The following WWTR1 variants were observed in gnomAD, a reference collection of about 807,000 sequenced individuals.
The protein encoded by WWTR1 is WW domain containing transcription regulator 1.
Under a neutral mutation model 40.1 loss-of-function variants are expected in WWTR1, and 13 were observed. The ratio of observed to expected loss-of-function variants is 0.32; its 90% CI spans 0.21 to 0.52. The LOEUF is 0.52. WWTR1 is among the 20% of genes least tolerant of loss of function. WWTR1 has a pLI of 0.97. For missense variants in WWTR1, 436 were observed against 523.1 expected (o/e 0.83, Z 1.63); for synonymous variants, 230 against 210.1 (o/e 1.09, Z -0.82).
chr3:149,540,316 T>C (rs1736035239), intron 4 of WWTR1: 1 of 455,872 alleles, frequency 2.2e-6, no homozygotes, highest in Non-Finnish European at 4.4e-6. Context: ...TACTACATCC[T>C]GGTTCAAAGG....
chr3:149,533,214 T>C (rs1367791356), intron 4 of WWTR1, among the ~76,000 whole-genome samples: 2 of 152,194 alleles, frequency 1.3e-5, no homozygotes, highest in African/African-American at 4.8e-5. Context: ...CAGGTCATCA[T>C]TGCTTCTCTA....
intron 2 of WWTR1, among the ~76,000 whole-genome samples, chr3:149,582,570 A>C (rs1017697799): frequency 5.3e-5 from 8 of 151,882 alleles, no homozygotes; most frequent in African/African-American, 1.9e-4. Flanking sequence ...TAAAAAAAAA[A>C]AAATCAAAAT....
At chr3:149,524,914 T>C (rs1352580985) in intron 6 of WWTR1, among the ~76,000 whole-genome samples, 1 of 152,236 alleles carries the variant, frequency 6.6e-6, no homozygotes, top group African/African-American at 2.4e-5. Context: ...TAACTCCAAA[T>C]AGTGGACACC....
intron 2 of WWTR1, among the ~76,000 whole-genome samples, chr3:149,610,711 C>T (rs1220877400): frequency 4.6e-5 from 7 of 152,236 alleles, no homozygotes; most frequent in Admixed American, 1.3e-4. Flanking sequence ...AGAAGGACAG[C>T]AGGGTTGCCA....
At chr3:149,633,248 G>T (rs1424563111) in intron 2 of WWTR1, among the ~76,000 whole-genome samples, 1 of 152,136 alleles carries the variant, frequency 6.6e-6, no homozygotes, top group Non-Finnish European at 1.5e-5. Flanking sequence ...AGCCAGCCAG[G>T]CATGGTGACG....
chr3:149,525,959 A>G, intron 6 of WWTR1, 54 bp downstream of exon 6: 1 of 989,750 alleles, frequency 1.0e-6, no homozygotes, highest in Non-Finnish European at 1.5e-6. Context: ...ATAACCGAAG[A>G]GATCATTTAA....
At chr3:149,643,733 C>G (rs945506497) in intron 2 of WWTR1, among the ~76,000 whole-genome samples, 1 of 152,124 alleles carries the variant, frequency 6.6e-6, no homozygotes, top group African/African-American at 2.4e-5. Context: ...CCTGTTATGA[C>G]CTATCCTGGG....
chr3:149,693,899 T>C (rs1383858904), intron 1 of WWTR1, among the ~76,000 whole-genome samples: 2 of 152,114 alleles, frequency 1.3e-5, no homozygotes, highest in South Asian at 2.1e-4. Context: ...GACTTAAATA[T>C]AAGACCTGAA....
intron 3 of WWTR1, among the ~76,000 whole-genome samples, chr3:149,557,684 C>G (rs937488300): frequency 2.0e-5 from 3 of 151,750 alleles, no homozygotes; most frequent in African/African-American, 4.9e-5. Flanking sequence ...CAACTTAATT[C>G]AATTATTTAT....
At chr3:149,588,283 CAGTA>C (rs1738524466) in intron 2 of WWTR1, among the ~76,000 whole-genome samples, 1 of 152,198 alleles carries the variant, frequency 6.6e-6, no homozygotes. Flanking sequence ...GGAAGCCACT[CAGTA>C]AGAACAACTA....
At chr3:149,603,231 T>C (rs1426114743) in intron 2 of WWTR1, among the ~76,000 whole-genome samples, 1 of 151,866 alleles carries the variant, frequency 6.6e-6, no homozygotes, top group East Asian at 1.9e-4. Context: ...CAAGAAATGA[T>C]TTACTAAGTT....
In WWTR1 at chr3:149,657,157, C is replaced by T; in HGVS notation, c.150G>A (p.Glu50=). Residue 50 remains glutamate, a synonymous_variant, in exon 2 of 7, where the codon GAG becomes GAA. Coordinates refer to ENST00000360632, the MANE Select transcript of WWTR1 (RefSeq NM_015472.6). ...PSSWRKKILP[E]SFFKEPDSGS... ...CCGAATCAGGCTCCTTAAAGAAAGA[C>T]TCCGGCAGGATCTTCTTCCGCCACG... 6.2e-7 allele frequency: 1 copy of T among 1,606,168 alleles called. No individual in the cohort carries two copies. The highest frequency in any genetic ancestry group is 8.5e-7 in the Non-Finnish European group (1 of 1,177,084).
At chr3:149,632,936 T>A (rs1034365647) in intron 2 of WWTR1, among the ~76,000 whole-genome samples, 49 of 152,370 alleles carry the variant, frequency 3.2e-4, no homozygotes, top group African/African-American at 8.9e-4. Flanking sequence ...GGCTAATAGC[T>A]ATCTAGTTAG....
chr3:149,524,924 C>T (rs17195637), intron 6 of WWTR1, among the ~76,000 whole-genome samples: 12,368 of 152,158 alleles, frequency 0.081, 553 homozygotes, highest in Admixed American at 0.1. Flanking sequence ...TAGTGGACAC[C>T]CTGGCTGTCA....
intron 1 of WWTR1, among the ~76,000 whole-genome samples, chr3:149,686,244 T>C (rs1461547261): frequency 6.6e-6 from 1 of 152,236 alleles, no homozygotes; most frequent in Non-Finnish European, 1.5e-5. Context: ...GAGCTTGGTT[T>C]TCAGGCTAGA....
At chr3:149,589,529 C>T (rs569026930) in intron 2 of WWTR1, among the ~76,000 whole-genome samples, 65 of 152,232 alleles carry the variant, frequency 4.3e-4, no homozygotes, top group South Asian at 3.3e-3. Context: ...TTACGCAATC[C>T]TCATTGACTT....
chr3:149,608,571 A>G (rs372816346), intron 2 of WWTR1, among the ~76,000 whole-genome samples: 1 of 152,032 alleles, frequency 6.6e-6, no homozygotes, highest in Non-Finnish European at 1.5e-5. Context: ...TATTTTTAGT[A>G]GAGATGGGGG....
intron 1 of WWTR1, chr3:149,701,495 G>T (rs747223866): frequency 1.3e-4 from 23 of 183,516 alleles, no homozygotes; most frequent in Non-Finnish European, 2.0e-4. Context: ...TAGTCCTGCT[G>T]ATCCTCCCAG....
chr3:149,713,396 T>A (rs1419863547), intron 5 of WWTR1, among the ~76,000 whole-genome samples: 4 of 152,148 alleles, frequency 2.6e-5, no homozygotes, highest in Non-Finnish European at 5.9e-5. Context: ...TTTTTATTTT[T>A]TTGAGACGGC....
Sources: gnomAD v4.1 joint callset for allele counts (sites outside exome capture counted in the v4.1 genomes callset) on GRCh38, gnomAD v4.1.1 for gene constraint, MANE v1.5 for transcripts, NCBI Gene and HGNC (gene_info 2026-07-23, HGNC 2026-07-21) for gene names.